The following DLG2 variants were observed in gnomAD, a reference collection of about 807,000 sequenced individuals.
DLG2 encodes disks large homolog 2.
In DLG2, 45 loss-of-function variants were observed where a neutral mutation model predicts 132.5. That is an observed-to-expected ratio of 0.34 (90% CI 0.27 to 0.44). The LOEUF (loss-of-function observed/expected upper bound fraction) is 0.44, where lower values mean the gene tolerates loss of function less well. DLG2 is among the 20% of genes least tolerant of loss of function. The pLI, the probability that DLG2 is intolerant of heterozygous loss-of-function variation, is 1.00. For missense variants in DLG2, 1,045 were observed against 1,196.9 expected (o/e 0.87, Z 1.87); for synonymous variants, 424 against 419.6 (o/e 1.01, Z -0.13).
intron 11 of DLG2, among the ~76,000 whole-genome samples, chr11:84,014,311 A>G (rs1324011192): frequency 1.3e-5 from 2 of 152,206 alleles, no homozygotes; most frequent in East Asian, 3.8e-4. Flanking sequence ...TAATTATGAA[A>G]GGTTGAGGAG....
Position 84,109,191 on chromosome 11 carries a change from A to C in DLG2, c.625-10144T>G, listed in dbSNP as rs1320642509. ...ACTGTGTTAGACCTTACAATTGCCT[A>C]CTTAAGGAAGTCAAGATGCTGGCCA... On this transcript the variant is annotated intron_variant, in intron 9 of 27. Transcript: ENST00000376104. 2.0e-5 allele frequency among the ~76,000 whole-genome samples: 3 copies of C among 152,292 alleles called. 1 individual carries two copies. The Middle Eastern group carries it at 0.01, about 518-fold the overall frequency.
intron 7 of DLG2, among the ~76,000 whole-genome samples, chr11:84,493,509 T>C (rs1194074294): frequency 1.3e-5 from 2 of 152,064 alleles, no homozygotes; most frequent in African/African-American, 4.8e-5. Context: ...TTGGGAGCAT[T>C]TTTATGCATC....
At chr11:84,273,197 G>A (rs1156725058) in intron 7 of DLG2, 2 of 1,569,086 alleles carry the variant, frequency 1.3e-6, no homozygotes, top group East Asian at 2.3e-5. Flanking sequence ...TTTTAAGGAA[G>A]CAATAGTATC....
At chr11:85,222,405 G>A (rs1439844581) in intron 4 of DLG2, among the ~76,000 whole-genome samples, 1 of 152,080 alleles carries the variant, frequency 6.6e-6, no homozygotes, top group Non-Finnish European at 1.5e-5. Context: ...AGCATTAATG[G>A]TGAAAAAACA....
At chr11:84,572,050 T>A (rs1236977080) in intron 6 of DLG2, among the ~76,000 whole-genome samples, 1 of 151,842 alleles carries the variant, frequency 6.6e-6, no homozygotes, top group African/African-American at 2.4e-5. Context: ...ATTCTAGATT[T>A]TTTTTTTTTA....
chr11:84,432,064 G>A (rs890257872), intron 7 of DLG2, among the ~76,000 whole-genome samples: 1 of 152,168 alleles, frequency 6.6e-6, no homozygotes, highest in African/African-American at 2.4e-5. Flanking sequence ...GAGGATTGTA[G>A]AAAAATGAAG....
chr11:83,722,298 C>T (rs2088804998), intron 18 of DLG2, among the ~76,000 whole-genome samples: 1 of 152,004 alleles, frequency 6.6e-6, no homozygotes, highest in Non-Finnish European at 1.5e-5. Context: ...TTTTAAGTGC[C>T]AAGCATAAGA....
At chr11:84,592,761 A>G (rs548462749) in intron 6 of DLG2, among the ~76,000 whole-genome samples, 29 of 151,478 alleles carry the variant, frequency 1.9e-4, no homozygotes, top group East Asian at 3.9e-4. Flanking sequence ...CAAAACCCCA[A>G]TGAGATACCA....
chr11:84,447,034 A>T (rs2099037191), intron 7 of DLG2, among the ~76,000 whole-genome samples: 3 of 152,206 alleles, frequency 2.0e-5, no homozygotes, highest in African/African-American at 7.2e-5. Context: ...TGTGGTAACA[A>T]CATGTATAAG....
chr11:84,010,009 T>C (rs1322649777), intron 11 of DLG2, among the ~76,000 whole-genome samples: 1 of 152,094 alleles, frequency 6.6e-6, no homozygotes, highest in Non-Finnish European at 1.5e-5. Context: ...TCCCAGTCTG[T>C]GCACTGTGTT....
chr11:84,633,814 C>T (rs1388843260), intron 6 of DLG2, among the ~76,000 whole-genome samples: 1 of 152,124 alleles, frequency 6.6e-6, no homozygotes, highest in African/African-American at 2.4e-5. Flanking sequence ...ATCACACACA[C>T]TGGCCTGCTC....
chr11:84,633,925 G>T (rs1435706815), intron 6 of DLG2, among the ~76,000 whole-genome samples: 3 of 152,112 alleles, frequency 2.0e-5, no homozygotes, highest in Non-Finnish European at 4.4e-5. Context: ...GTAATCACGG[G>T]CAACTTCCTG....
chr11:84,414,201 A>C (rs2098920556), intron 7 of DLG2, among the ~76,000 whole-genome samples: 1 of 151,120 alleles, frequency 6.6e-6, no homozygotes, highest in African/African-American at 2.5e-5. Context: ...GTGAAGATTA[A>C]ATAAGTGAGC....
chr11:83,875,421 C>T (rs187067610), intron 15 of DLG2, among the ~76,000 whole-genome samples: 1 of 152,112 alleles, frequency 6.6e-6, no homozygotes, highest in African/African-American at 2.4e-5. Context: ...TAGAAAGTTG[C>T]TCAGAGTCAC....
chr11:85,084,102 A>T (rs2067590305), intron 6 of DLG2, among the ~76,000 whole-genome samples: 1 of 152,038 alleles, frequency 6.6e-6, no homozygotes, highest in South Asian at 2.1e-4. Flanking sequence ...AAATAGAGCA[A>T]CAGCTGAAAG....
chr11:83,628,743 G>A (rs2063053861), intron 19 of DLG2, among the ~76,000 whole-genome samples: 1 of 152,086 alleles, frequency 6.6e-6, no homozygotes, highest in South Asian at 2.1e-4. Context: ...TTAATATAAG[G>A]TAGTAAAGAC....
chr11:84,905,244 G>A (rs1036592046), intron 6 of DLG2, among the ~76,000 whole-genome samples: 6 of 152,012 alleles, frequency 3.9e-5, no homozygotes, highest in East Asian at 3.9e-4. Flanking sequence ...TTTTTCTATC[G>A]GTTTACATAT....
intron 18 of DLG2, among the ~76,000 whole-genome samples, chr11:83,734,686 T>C (rs2091645277): frequency 6.6e-6 from 1 of 152,112 alleles, no homozygotes; most frequent in Admixed American, 6.6e-5. Context: ...CATGACCTCA[T>C]GTGATCTTCT....
chr11:84,660,522 G>A (rs2099693434), intron 6 of DLG2, among the ~76,000 whole-genome samples: 1 of 152,128 alleles, frequency 6.6e-6, no homozygotes, highest in Non-Finnish European at 1.5e-5. Context: ...AAGTAAATAT[G>A]ATGGGCAGAC....
Sources: gnomAD v4.1 joint callset for allele counts (sites outside exome capture counted in the v4.1 genomes callset) on GRCh38, gnomAD v4.1.1 for gene constraint, MANE v1.5 for transcripts, NCBI Gene and HGNC (gene_info 2026-07-23, HGNC 2026-07-21) for gene names.